The following MTA3 variants were observed in gnomAD, a reference collection of about 807,000 sequenced individuals.
MTA3 encodes metastasis associated 1 family member 3, also known as metastasis-associated protein MTA3.
A neutral mutation model predicts 83.5 loss-of-function variants in MTA3; 34 were observed. The ratio of observed to expected loss-of-function variants is 0.41; its 90% confidence interval spans 0.31 to 0.54. MTA3 has a LOEUF of 0.54. MTA3 is among the 20% of genes least tolerant of loss of function. The pLI is 0.33. For synonymous variants in MTA3, 303 were observed against 252.7 expected, an observed-to-expected ratio of 1.20 and a Z score of -1.89; for missense variants, 761 against 726.4, an observed-to-expected ratio of 1.05 and a Z score of -0.55.
At chr2:42,603,384 G>C (rs973257396) in intron 3 of MTA3, among the ~76,000 whole-genome samples, 1 of 152,116 alleles carries the variant, frequency 6.6e-6, no homozygotes, top group Non-Finnish European at 1.5e-5. Context: ...TTTTAAAATT[G>C]ATAGCAAGTG....
intron 3 of MTA3, among the ~76,000 whole-genome samples, chr2:42,595,274 T>G (rs933864813): frequency 6.7e-6 from 1 of 149,660 alleles, no homozygotes; most frequent in Non-Finnish European, 1.5e-5. Flanking sequence ...CATGCCCGGC[T>G]AATTTTTTTG....
chr2:42,641,578 TG>T (rs1286319617), intron 5 of MTA3, among the ~76,000 whole-genome samples: 1 of 152,148 alleles, frequency 6.6e-6, no homozygotes, highest in Non-Finnish European at 1.5e-5. Context: ...CCGAACGTGG[TG>T]GCTCACACAT....
At chr2:42,740,328 T>A (rs947923710) in intron 16 of MTA3, among the ~76,000 whole-genome samples, 20 of 152,194 alleles carry the variant, frequency 1.3e-4, no homozygotes, top group African/African-American at 4.3e-4. Flanking sequence ...CGGGACAACA[T>A]AGCGAAACCC....
At chr2:42,534,559 C>G (rs907364699) in intron 2 of MTA3, among the ~76,000 whole-genome samples, 2 of 151,482 alleles carry the variant, frequency 1.3e-5, no homozygotes, top group Admixed American at 1.3e-4. Flanking sequence ...ATCGAGCCAC[C>G]GCACTCCAGC....
chr2:42,591,673 C>T (rs763050862), intron 3 of MTA3, among the ~76,000 whole-genome samples: 3 of 145,178 alleles, frequency 2.1e-5, no homozygotes, highest in Non-Finnish European at 4.5e-5. Flanking sequence ...TTTTTTGAAA[C>T]GGAGTTTCGC....
chr2:42,575,360 C>T (rs1233423567), intron 2 of MTA3, among the ~76,000 whole-genome samples: 3 of 152,168 alleles, frequency 2.0e-5, no homozygotes, highest in Admixed American at 6.5e-5. Flanking sequence ...TTCTGAGTGC[C>T]TTAGAATAGT....
chr2:42,508,370 C>T (rs1422909287), intron 2 of MTA3, among the ~76,000 whole-genome samples: 2 of 152,066 alleles, frequency 1.3e-5, no homozygotes, highest in Non-Finnish European at 2.9e-5. Flanking sequence ...CTTGCTTTGC[C>T]ACCCAGGCTG....
intron 3 of MTA3, among the ~76,000 whole-genome samples, chr2:42,594,728 A>ATATATATATATATATATTTTT: frequency 5.8e-4 from 14 of 24,034 alleles, no homozygotes; most frequent in African/African-American, 1.1e-3. Context: ...ATATATATAT[A>ATATATATATATATATATTTTT]TTTTTTTTTT....
At chr2:42,609,929 T>C (rs1271979346) in intron 4 of MTA3, among the ~76,000 whole-genome samples, 8 of 152,200 alleles carry the variant, frequency 5.3e-5, no homozygotes, top group African/African-American at 1.9e-4. Context: ...TGAAACCCCA[T>C]CTCTACTAAA....
intron 2 of MTA3, among the ~76,000 whole-genome samples, chr2:42,561,258 T>C (rs953572236): frequency 6.6e-6 from 1 of 152,198 alleles, no homozygotes. Context: ...CTTTTTGTTC[T>C]CTGATCTTGA....
intron 2 of MTA3, among the ~76,000 whole-genome samples, chr2:42,517,591 A>G (rs1416185201): frequency 7.1e-6 from 1 of 140,836 alleles, no homozygotes; most frequent in East Asian, 2.1e-4. Flanking sequence ...AAAAAAAAAA[A>G]TTAGGCCAGG....
At chr2:42,661,569 A>G (rs1043481557) in intron 8 of MTA3, among the ~76,000 whole-genome samples, 9 of 151,814 alleles carry the variant, frequency 5.9e-5, no homozygotes, top group Non-Finnish European at 7.4e-5. Flanking sequence ...GTGGAATCTA[A>G]TAACTACCTG....
intron 2 of MTA3, chr2:42,511,611 G>T (rs941751823): frequency 6.6e-6 from 1 of 152,284 alleles, no homozygotes; most frequent in African/African-American, 2.4e-5. Context: ...AGCTACTTGG[G>T]AGGCTGAGGC....
chr2:42,612,968 A>C (rs1233470818), intron 4 of MTA3, among the ~76,000 whole-genome samples: 1 of 152,240 alleles, frequency 6.6e-6, no homozygotes, highest in Admixed American at 6.5e-5. Context: ...TATCTAAAAG[A>C]CACAAGTATA....
At chr2:42,574,562 A>G (rs1313401790) in intron 2 of MTA3, among the ~76,000 whole-genome samples, 1 of 151,922 alleles carries the variant, frequency 6.6e-6, no homozygotes, top group Non-Finnish European at 1.5e-5. Flanking sequence ...TCAGCCTCCC[A>G]ATTAGCTGGG....
intron 4 of MTA3, among the ~76,000 whole-genome samples, chr2:42,616,688 C>G (rs1197320424): frequency 6.1e-5 from 9 of 146,878 alleles, no homozygotes; most frequent in Admixed American, 2.8e-4. Context: ...AGATGATGCT[C>G]CCACCTTAGC....
At chr2:42,499,984 G>C (rs1331077656) in intron 2 of MTA3, among the ~76,000 whole-genome samples, 1 of 150,948 alleles carries the variant, frequency 6.6e-6, no homozygotes, top group African/African-American at 2.4e-5. Flanking sequence ...GAGAGAGAGA[G>C]ATGGCTGGGC....
chr2:42,577,901 T>C (rs1224946195), intron 2 of MTA3, among the ~76,000 whole-genome samples: 1 of 152,220 alleles, frequency 6.6e-6, no homozygotes, highest in Admixed American at 6.5e-5. Context: ...TTGATAGATT[T>C]TATTTTATTT....
intron 2 of MTA3, among the ~76,000 whole-genome samples, chr2:42,552,932 AC>A (rs1677185391): frequency 1.3e-5 from 2 of 151,344 alleles, no homozygotes; most frequent in African/African-American, 2.4e-5. Flanking sequence ...CCTGGGCGAC[AC>A]CGCAAGACTC....
Sources: allele counts gnomAD v4.1 joint callset (sites outside exome capture counted in the v4.1 genomes callset), GRCh38; gene constraint gnomAD v4.1.1; transcripts MANE v1.5; gene names NCBI Gene and HGNC (gene_info 2026-07-23, HGNC 2026-07-21).